Variants in SOX6 observed in about 807,000 individuals in gnomAD.
SOX6 encodes the protein transcription factor SOX-6.
A neutral mutation model predicts 97.8 loss-of-function variants in SOX6; 11 were observed. The observed-to-expected ratio is 0.11, with a 90% CI of 0.07 to 0.19. SOX6 has a LOEUF of 0.19. Ranked by LOEUF, SOX6 falls within the 10% of genes least tolerant of loss-of-function variation. The pLI, the probability that SOX6 is intolerant of heterozygous loss-of-function variation, is 1.00. For missense variants in SOX6, 810 were observed against 1,039.5 expected (o/e 0.78, Z 3.04); for synonymous variants, 360 against 371.4 (o/e 0.97, Z 0.35).
chr11:16,470,307 G>A (rs1300193649), intron 1 of SOX6, among the ~76,000 whole-genome samples: 1 of 152,024 alleles, frequency 6.6e-6, no homozygotes, highest in Non-Finnish European at 1.5e-5. Flanking sequence ...TAAAGATAAC[G>A]CACTTAGACC....
chr11:16,515,507 C>T, intron 4 of SOX6, among the ~76,000 whole-genome samples: 1 of 107,926 alleles, frequency 9.3e-6, no homozygotes. Flanking sequence ...TGCCTGTTCA[C>T]TCTGATGGTA....
chr11:16,560,148 C>T (rs1847792125), intron 4 of SOX6, among the ~76,000 whole-genome samples: 1 of 152,114 alleles, frequency 6.6e-6, no homozygotes, highest in Non-Finnish European at 1.5e-5. Flanking sequence ...GTTTTCAAAG[C>T]CAATGCATTC....
chr11:16,331,183 T>C (rs1360450943), intron 2 of SOX6, among the ~76,000 whole-genome samples: 1 of 152,192 alleles, frequency 6.6e-6, no homozygotes, highest in Admixed American at 6.5e-5. Context: ...ACACCCATAC[T>C]GTTTGTTGTT....
intron 6 of SOX6, among the ~76,000 whole-genome samples, chr11:16,112,729 G>T (rs1345466167): frequency 5.9e-5 from 9 of 152,054 alleles, no homozygotes; most frequent in Non-Finnish European, 1.5e-5. Context: ...GAAAATAAGA[G>T]CTATGACAGA....
intron 15 of SOX6, among the ~76,000 whole-genome samples, chr11:15,973,633 AT>A (rs1314970295): frequency 4.6e-5 from 7 of 152,228 alleles, no homozygotes; most frequent in Non-Finnish European, 1.0e-4. Flanking sequence ...TTTGTTATTC[AT>A]GTAAATGTCT....
chr11:16,656,512 T>C (rs1332496073), intron 3 of SOX6, among the ~76,000 whole-genome samples: 1 of 152,204 alleles, frequency 6.6e-6, no homozygotes, highest in Non-Finnish European at 1.5e-5. Flanking sequence ...AAAACTCATC[T>C]TAAACAATTT....
intron 4 of SOX6, among the ~76,000 whole-genome samples, chr11:16,500,139 T>C (rs1860678153): frequency 6.6e-6 from 1 of 152,208 alleles, no homozygotes; most frequent in Admixed American, 6.5e-5. Flanking sequence ...ATCCCTGGGA[T>C]GCAAGGCTGG....
At chr11:16,146,327 C>A (rs937366871) in intron 6 of SOX6, among the ~76,000 whole-genome samples, 4 of 152,182 alleles carry the variant, frequency 2.6e-5, no homozygotes, top group African/African-American at 9.7e-5. Context: ...GGATCCCTTC[C>A]TTACACCTTA....
intron 4 of SOX6, among the ~76,000 whole-genome samples, chr11:16,194,315 A>C (rs1565011181): frequency 1.3e-5 from 2 of 152,186 alleles, no homozygotes; most frequent in Non-Finnish European, 2.9e-5. Context: ...AATATGACTA[A>C]ATTCTGAATG....
intron 2 of SOX6, among the ~76,000 whole-genome samples, chr11:16,734,636 T>C (rs552036466): frequency 2.7e-4 from 41 of 152,218 alleles, no homozygotes; most frequent in Non-Finnish European, 5.3e-4. Context: ...GAAGCCCATA[T>C]TTTTAACAGT....
At chr11:16,220,535 C>T (rs1029792917) in intron 4 of SOX6, among the ~76,000 whole-genome samples, 2 of 151,980 alleles carry the variant, frequency 1.3e-5, no homozygotes, top group Non-Finnish European at 2.9e-5. Flanking sequence ...TATGATTATA[C>T]CAATTTCTGG....
chr11:16,220,743 T>A (rs1217911015), intron 4 of SOX6, among the ~76,000 whole-genome samples: 2 of 152,090 alleles, frequency 1.3e-5, no homozygotes, highest in Admixed American at 6.6e-5. Flanking sequence ...ACATTAATCC[T>A]GAAATGCATG....
chr11:15,992,341 C>A (rs1854080516), intron 13 of SOX6, among the ~76,000 whole-genome samples: 1 of 152,216 alleles, frequency 6.6e-6, no homozygotes, highest in South Asian at 2.1e-4. Flanking sequence ...ACCTGATCAA[C>A]TACAACAGCG....
At chr11:16,286,070 G>C (rs1211817156) in intron 3 of SOX6, among the ~76,000 whole-genome samples, 1 of 152,050 alleles carries the variant, frequency 6.6e-6, no homozygotes, top group Non-Finnish European at 1.5e-5. Flanking sequence ...TTGAAATAAA[G>C]CAAAATATCA....
chr11:16,087,837 C>A (rs776664382), intron 9 of SOX6, among the ~76,000 whole-genome samples: 1 of 152,072 alleles, frequency 6.6e-6, no homozygotes, highest in Non-Finnish European at 1.5e-5. Flanking sequence ...TTCATTGATA[C>A]GTCCCCACTA....
chr11:16,361,848 A>G (rs995012761), intron 1 of SOX6, among the ~76,000 whole-genome samples: 1 of 152,246 alleles, frequency 6.6e-6, no homozygotes, highest in Non-Finnish European at 1.5e-5. Flanking sequence ...CTTTACTTTT[A>G]AATGGCAACA....
chr11:16,418,174 A>G (rs183621059), intron 1 of SOX6, among the ~76,000 whole-genome samples: 4 of 152,324 alleles, frequency 2.6e-5, no homozygotes, highest in East Asian at 1.9e-4. Flanking sequence ...ATTGCATACA[A>G]TGCAGGAATC....
chr11:16,189,789 C>T (rs1455381808), intron 4 of SOX6, among the ~76,000 whole-genome samples: 1 of 151,858 alleles, frequency 6.6e-6, no homozygotes, highest in African/African-American at 2.4e-5. Flanking sequence ...TAATACCTGT[C>T]TATATGATAT....
At chr11:16,486,588 C>T (rs577435410) in intron 4 of SOX6, among the ~76,000 whole-genome samples, 52 of 152,170 alleles carry the variant, frequency 3.4e-4, no homozygotes, top group East Asian at 1.7e-3. Context: ...TGGCTGGGTG[C>T]GGTGGCTCAC....
Sources: gnomAD v4.1 joint callset for allele counts (sites outside exome capture counted in the v4.1 genomes callset) on GRCh38, gnomAD v4.1.1 for gene constraint, MANE v1.5 for transcripts, NCBI Gene and HGNC (gene_info 2026-07-23, HGNC 2026-07-21) for gene names.